SYNPO2: variants seen among roughly 807,000 people sequenced by gnomAD.
SYNPO2 encodes synaptopodin 2, also known as synaptopodin-2.
A neutral mutation model predicts 85.0 loss-of-function variants in SYNPO2; 56 were observed. The ratio of observed to expected loss-of-function variants is 0.66; its 90% CI spans 0.53 to 0.82. The LOEUF (loss-of-function observed/expected upper bound fraction) is 0.82. SYNPO2 is among the 40% of genes least tolerant of loss of function. SYNPO2 has a pLI of 0.00. For synonymous variants in SYNPO2, 602 were observed against 591.1 expected (o/e 1.02, Z -0.27); for missense variants, 1,575 against 1,534.2 (o/e 1.03, Z -0.44).
intron 1 of SYNPO2, among the ~76,000 whole-genome samples, chr4:118,922,220 C>A (rs1338692590): frequency 6.6e-6 from 1 of 150,906 alleles, no homozygotes; most frequent in Non-Finnish European, 1.5e-5. Context: ...ATTTGTTACT[C>A]TGGAGTTGTT....
In SYNPO2 at chr4:118,937,599, G is replaced by T. The variant is rs1269956581; in HGVS notation, c.105+48458G>T. Among the ~76,000 whole-genome samples, 3 of 152,112 alleles carry T rather than the reference G, an allele frequency of 2.0e-5. No homozygotes were observed. The East Asian group carries it at 5.8e-4, about 29-fold the overall frequency. On this transcript the variant is annotated intron_variant, in intron 1 of 4. Coordinates refer to ENST00000307142, the MANE Select transcript of SYNPO2 (RefSeq NM_133477.3). ...TGGATCTCCAGGGTGTAATCAGATT[G>T]CCTGGGTTTGAATCCTTGTGCTCTC...
intron 1 of SYNPO2, among the ~76,000 whole-genome samples, chr4:118,871,377 G>T: frequency 6.8e-6 from 1 of 146,892 alleles, no homozygotes; most frequent in South Asian, 2.2e-4. Flanking sequence ...TTAAAGAATT[G>T]TTTCCAGATC....
At chr4:118,971,986 A>C (rs1302241739) in intron 1 of SYNPO2, among the ~76,000 whole-genome samples, 1 of 152,214 alleles carries the variant, frequency 6.6e-6, no homozygotes, top group Non-Finnish European at 1.5e-5. Flanking sequence ...AGTGAGCGTC[A>C]TAGTACTCTA....
At chr4:118,931,152 A>G (rs1189613886) in intron 1 of SYNPO2, among the ~76,000 whole-genome samples, 2 of 152,108 alleles carry the variant, frequency 1.3e-5, no homozygotes, top group Non-Finnish European at 2.9e-5. Context: ...ACCTTACAGG[A>G]CTTTTCAATG....
At position 118,977,160 on chromosome 4, in the gene SYNPO2, A is replaced by C. The variant is rs548762948; in HGVS notation, c.106-46270A>C. Among the ~76,000 whole-genome samples the C allele has an allele frequency of 2.6e-5, 4 of 152,316 alleles. No homozygotes were observed. In the South Asian group the frequency reaches 8.3e-4, roughly 32 times the overall value. On this transcript the variant is annotated intron_variant, in intron 1 of 4. Coordinates refer to ENST00000307142, the MANE Select transcript of SYNPO2 (RefSeq NM_133477.3). ...AGCCCATGGAGGGGGTGGGAGGCTC[A>C]GGCATGGCGGGCTGCAGGTCCCAAG...
chr4:118,902,112 A>G lies in SYNPO2; in HGVS notation c.105+12971A>G, dbSNP rs1732775753. On this transcript the variant is annotated intron_variant, in intron 1 of 4. Coordinates refer to ENST00000307142, the MANE Select transcript of SYNPO2 (RefSeq NM_133477.3). ...AGAAGTCCAGGCTTTCACAGTGATA[A>G]AAATGAAAAACTCTCTCTCCTGGGA... is the stretch of plus-strand genomic sequence containing the variant. Among the ~76,000 whole-genome samples the G allele has an allele frequency of 1.3e-5, 2 of 152,194 alleles. 1 individual carries two copies.
At chr4:119,025,780 A>G (rs1737910147) in intron 2 of SYNPO2, among the ~76,000 whole-genome samples, 1 of 152,240 alleles carries the variant, frequency 6.6e-6, no homozygotes, top group East Asian at 1.9e-4. Context: ...AAACATTTAC[A>G]GTTTAAATTA....
intron 1 of SYNPO2, among the ~76,000 whole-genome samples, chr4:118,948,018 G>A (rs1734563423): frequency 6.6e-6 from 1 of 152,078 alleles, no homozygotes; most frequent in Non-Finnish European, 1.5e-5. Flanking sequence ...GGTCCAAAAG[G>A]AAACTTTTTT....
intron 1 of SYNPO2, among the ~76,000 whole-genome samples, chr4:119,020,608 A>C (rs1737687685): frequency 6.6e-6 from 1 of 152,004 alleles, no homozygotes; most frequent in African/African-American, 2.4e-5. Flanking sequence ...GTATAATGAC[A>C]CCTCTGTTTT....
intron 1 of SYNPO2, among the ~76,000 whole-genome samples, chr4:118,895,205 A>G (rs1732511814): frequency 6.6e-6 from 1 of 152,032 alleles, no homozygotes; most frequent in Admixed American, 6.6e-5. Context: ...GCTTCAGTCA[A>G]CTATCTGACT....
intron 1 of SYNPO2, among the ~76,000 whole-genome samples, chr4:118,937,862 G>A (rs1639342695): frequency 6.6e-6 from 1 of 152,128 alleles, no homozygotes; most frequent in Admixed American, 6.6e-5. Context: ...ATCTAAGGAT[G>A]CTCAAGTCCC....
rs959882590 is a variant in SYNPO2, at chr4:118,957,044, C to CA, written c.106-66378dup. Among the ~76,000 whole-genome samples the CA allele has an allele frequency of 3.4e-3, 499 of 148,272 alleles. 3 individuals are homozygous for CA. Among genetic ancestry groups the CA allele is most frequent in the South Asian group, 3.6e-3 (17 of 4,696 alleles). On this transcript the variant is annotated intron_variant, in intron 1 of 4. Transcript: ENST00000307142. The stretch of plus-strand genomic sequence containing the variant: ...TGGGTGACACAGTGAGACTCCATCT[C>CA]AAAAAAAATAAAAAAAATAAAAAAA...
intron 1 of SYNPO2, among the ~76,000 whole-genome samples, chr4:118,997,903 C>G (rs999775252): frequency 2.0e-5 from 3 of 152,172 alleles, no homozygotes; most frequent in African/African-American, 7.2e-5. Context: ...CATAGGCAAC[C>G]TGTTGATTTA....
In SYNPO2 at chr4:119,030,182, G is replaced by T; in HGVS notation, c.1407G>T (p.Val469=). 1 of 1,614,088 alleles carries T rather than the reference G, an allele frequency of 6.2e-7. No homozygotes were observed. Among genetic ancestry groups the T allele is most frequent in the Non-Finnish European group, 8.5e-7 (1 of 1,180,020 alleles). ...ACTTTGACTGGGATTCTGGACTGGT[G>T]GACATTGAAAAGAAACTGAACAGAG... ...VVNFDWDSGL[V]DIEKKLNRGD... is the part of the protein sequence containing the mutation. Residue 469 remains valine (V), a synonymous_variant, in exon 4 of 5, where the codon GTG becomes GTT. Transcript: ENST00000307142.
intron 1 of SYNPO2, among the ~76,000 whole-genome samples, chr4:119,022,553 A>G (rs12498146): frequency 0.64 from 81,007 of 127,524 alleles, 25,783 homozygotes; most frequent in Middle Eastern, 0.76. Flanking sequence ...ACAGGGTCTT[A>G]CCATATTGAC....
intron 1 of SYNPO2, among the ~76,000 whole-genome samples, chr4:119,002,686 A>G (rs1236760637): frequency 6.6e-6 from 1 of 151,886 alleles, no homozygotes; most frequent in Non-Finnish European, 1.5e-5. Context: ...TTCTCTCTCA[A>G]GTTGGATTCC....
At chr4:119,033,610 G>A (rs1738375790) in intron 4 of SYNPO2, 12 of 985,374 alleles carry the variant, frequency 1.2e-5, no homozygotes, top group Non-Finnish European at 1.4e-5. Context: ...AACTTGCCTG[G>A]TTTGAGGGTA....
At chr4:119,038,503 T>C in intron 4 of SYNPO2, 1 of 985,338 alleles carries the variant, frequency 1.0e-6, no homozygotes, top group African/African-American at 1.7e-5. Context: ...TAAAGCATAA[T>C]CAAACTCTGC....
chr4:118,897,080 G>A (rs1316620900), intron 1 of SYNPO2, among the ~76,000 whole-genome samples: 1 of 152,152 alleles, frequency 6.6e-6, no homozygotes, highest in Non-Finnish European at 1.5e-5. Flanking sequence ...AAGGAAAGAG[G>A]TTTAATTGAC....
Sources: gnomAD v4.1 joint callset for allele counts (sites outside exome capture counted in the v4.1 genomes callset) on GRCh38, gnomAD v4.1.1 for gene constraint, MANE v1.5 for transcripts, NCBI Gene and HGNC (gene_info 2026-07-23, HGNC 2026-07-21) for gene names.